Variants in PRKN observed in about 807,000 individuals in gnomAD.
PRKN encodes E3 ubiquitin-protein ligase parkin.
Under a neutral mutation model 59.5 loss-of-function variants are expected in PRKN, and 56 were observed. That is an observed-to-expected ratio of 0.94 (90% confidence interval 0.76 to 1.18). The LOEUF (loss-of-function observed/expected upper bound fraction) is 1.18. Among genes scored for constraint, PRKN ranks in the 50% most tolerant of loss-of-function variants. The probability of loss-of-function intolerance (pLI) is 0.00; values close to 1 mark genes in which losing one functional copy is unlikely to be tolerated. For synonymous variants in PRKN, 250 were observed against 222.1 expected (o/e 1.13, Z -1.12); for missense variants, 657 against 596.4 (o/e 1.10, Z -1.06).
At chr6:162,098,264 C>T (rs1323896392) in intron 4 of PRKN, among the ~76,000 whole-genome samples, 2 of 152,148 alleles carry the variant, frequency 1.3e-5, no homozygotes, top group East Asian at 1.9e-4. Flanking sequence ...AATGCTGGCA[C>T]ACAGGAATGT....
Position 161,393,743 on chromosome 6 carries a change from A to T in PRKN, c.1084-6866T>A, listed in dbSNP as rs1786620449. Among the ~76,000 whole-genome samples, 1 of 151,486 alleles carries T rather than the reference A, an allele frequency of 6.6e-6. No individual in the cohort carries two copies. Among genetic ancestry groups the T allele is most frequent in the Non-Finnish European group, 1.5e-5 (1 of 67,908 alleles). ...ACCCTTAAAATAAGGCTTGATGATGATCTCTCTATGGAAGCCAAGATTTCT... is the reference window on the plus strand; with the variant it reads ...ACCCTTAAAATAAGGCTTGATGATGTTCTCTCTATGGAAGCCAAGATTTCT... On this transcript the variant is annotated intron_variant, in intron 9 of 11. Coordinates refer to ENST00000366898, the MANE Select transcript of PRKN (RefSeq NM_004562.3). The surrounding 1 kb of genome is among the most constrained non-coding windows in gnomAD (Gnocchi z 4.7).
At chr6:162,149,257 T>G (rs2128313213) in intron 4 of PRKN, among the ~76,000 whole-genome samples, 1 of 152,234 alleles carries the variant, frequency 6.6e-6, no homozygotes, top group East Asian at 1.9e-4. Flanking sequence ...TCTTCATAAT[T>G]TTTTTAAGAC....
intron 1 of PRKN, among the ~76,000 whole-genome samples, chr6:162,597,078 C>A (rs186980196): frequency 6.6e-6 from 1 of 152,118 alleles, no homozygotes; most frequent in African/African-American, 2.4e-5. Context: ...TAAAAATAAA[C>A]GAACCATTAA....
At chr6:162,543,739 A>G (rs1425428125) in intron 1 of PRKN, among the ~76,000 whole-genome samples, 4 of 152,148 alleles carry the variant, frequency 2.6e-5, no homozygotes, top group Non-Finnish European at 5.9e-5. Flanking sequence ...GCTTGTGGTC[A>G]ACCCTGAGTC....
intron 7 of PRKN, among the ~76,000 whole-genome samples, chr6:161,737,835 T>C (rs1788028929): frequency 1.3e-5 from 2 of 152,188 alleles, no homozygotes. Flanking sequence ...GCTAGTTACA[T>C]AAGGCTGATC....
At chr6:162,389,801 C>T (rs550560231) in intron 2 of PRKN, among the ~76,000 whole-genome samples, 1 of 152,332 alleles carries the variant, frequency 6.6e-6, no homozygotes, top group African/African-American at 2.4e-5. Context: ...GCTTTCCCCA[C>T]TCCTCAGTAA....
At chr6:161,823,493 A>G (rs1792121060) in intron 6 of PRKN, among the ~76,000 whole-genome samples, 3 of 152,122 alleles carry the variant, frequency 2.0e-5, no homozygotes, top group African/African-American at 7.2e-5. Context: ...AGTGTATGAA[A>G]TATTTGGCAT....
chr6:162,226,864 C>A (rs920820065), intron 3 of PRKN, among the ~76,000 whole-genome samples: 2 of 152,296 alleles, frequency 1.3e-5, no homozygotes, highest in Non-Finnish European at 1.5e-5. Context: ...CTGGCTCAGG[C>A]CAAATCAGTT....
At chr6:161,519,339 G>A (rs1778733569) in intron 9 of PRKN, among the ~76,000 whole-genome samples, 1 of 152,164 alleles carries the variant, frequency 6.6e-6, no homozygotes, top group Admixed American at 6.5e-5. Flanking sequence ...TGCTCTGAAT[G>A]AGGAGACAGG....
At chr6:162,351,834 G>C (rs1013214327) in intron 2 of PRKN, among the ~76,000 whole-genome samples, 1 of 149,058 alleles carries the variant, frequency 6.7e-6, no homozygotes, top group Non-Finnish European at 1.5e-5. Flanking sequence ...GTGTGTGTTT[G>C]TGTGTGTGTG....
At chr6:161,751,703 C>T (rs553556715) in intron 7 of PRKN, among the ~76,000 whole-genome samples, 23 of 152,300 alleles carry the variant, frequency 1.5e-4, no homozygotes, top group Admixed American at 4.6e-4. Context: ...CCAGATTACA[C>T]GATCCCTGCC....
chr6:162,221,486 T>C (rs1378165225), intron 3 of PRKN, among the ~76,000 whole-genome samples: 4 of 152,210 alleles, frequency 2.6e-5, no homozygotes, highest in Non-Finnish European at 5.9e-5. Context: ...GCATGCTTTA[T>C]TCAGTAATTC....
intron 7 of PRKN, among the ~76,000 whole-genome samples, chr6:161,661,772 C>A (rs183652268): frequency 1.1e-3 from 167 of 152,272 alleles, no homozygotes; most frequent in African/African-American, 3.8e-3. Flanking sequence ...CGTGTAATCA[C>A]AGCACTTTGG....
At chr6:161,521,479 TTTC>T (rs777888707) in intron 9 of PRKN, among the ~76,000 whole-genome samples, 1 of 152,204 alleles carries the variant, frequency 6.6e-6, no homozygotes, top group Non-Finnish European at 1.5e-5. Flanking sequence ...GGAAGCTTGC[TTTC>T]TTCTTAAGTA....
At chr6:161,587,943 G>A (rs1781577570) in intron 7 of PRKN, among the ~76,000 whole-genome samples, 1 of 152,146 alleles carries the variant, frequency 6.6e-6, no homozygotes. Context: ...AACCAGTAAT[G>A]TTTTTAGAAG....
rs967721827 is a variant in PRKN at position 161,473,379 on chromosome 6, A to T, written c.1083+75475T>A. On this transcript the variant is annotated intron_variant, in intron 9 of 11. Coordinates refer to ENST00000366898, the MANE Select transcript of PRKN (RefSeq NM_004562.3). This position sits in a 1 kb window ranked among gnomAD's most constrained non-coding sequence, Gnocchi z 4.1. ...TTATTTATATACATATATATATATAAAATGGAATATTATCAAGCCTTAAAA... is the reference window on the plus strand; with the variant it reads ...TTATTTATATACATATATATATATATAATGGAATATTATCAAGCCTTAAAA... Among the ~76,000 whole-genome samples the T allele has an allele frequency of 1.2e-4, 18 of 147,758 alleles. No homozygotes were observed. Among genetic ancestry groups the T allele is most frequent in the African/African-American group, 1.7e-4 (7 of 41,046 alleles).
intron 3 of PRKN, 151 bp from the exon 4 acceptor site, chr6:162,201,403 C>A (rs189965729): frequency 5.5e-6 from 4 of 725,846 alleles, no homozygotes; most frequent in East Asian, 5.4e-5. Context: ...AATGGGAATA[C>A]AACAATTTAA....
At chr6:161,845,886 T>G (rs1793177962) in intron 6 of PRKN, among the ~76,000 whole-genome samples, 1 of 152,198 alleles carries the variant, frequency 6.6e-6, no homozygotes, top group African/African-American at 2.4e-5. Flanking sequence ...GCAGCACCTG[T>G]CAATCCGACA....
chr6:161,412,429 CCTCA>C (rs1787619984), intron 9 of PRKN, among the ~76,000 whole-genome samples: 1 of 148,358 alleles, frequency 6.7e-6, no homozygotes, highest in African/African-American at 2.5e-5. Flanking sequence ...CTCATTCCTT[CCTCA>C]CTCATTCCTC....
Sources: allele counts gnomAD v4.1 joint callset (sites outside exome capture counted in the v4.1 genomes callset), GRCh38; gene constraint gnomAD v4.1.1; non-coding constraint Gnocchi (gnomAD v3.1); transcripts MANE v1.5; gene names NCBI Gene and HGNC (gene_info 2026-07-23, HGNC 2026-07-21).